HM13: variants seen among roughly 807,000 people sequenced by gnomAD.
HM13 encodes signal peptide peptidase.
Under a neutral mutation model 50.0 loss-of-function variants are expected in HM13, and 18 were observed. That is an observed-to-expected ratio of 0.36 (90% CI 0.25 to 0.53). The LOEUF (loss-of-function observed/expected upper bound fraction) is 0.53, where lower values mean the gene tolerates loss of function less well. HM13 is among the 20% of genes least tolerant of loss of function. The probability of loss-of-function intolerance (pLI) is 0.90; values close to 1 mark genes in which losing one functional copy is unlikely to be tolerated. For missense variants in HM13, 393 were observed against 552.4 expected (o/e 0.71, Z 2.89); for synonymous variants, 197 against 232.6 (o/e 0.85, Z 1.39).
chr20:31,547,612 G>C (rs1487815511), intron 4 of HM13: 4 of 1,575,972 alleles, frequency 2.5e-6, no homozygotes, highest in Non-Finnish European at 3.4e-6. Flanking sequence ...TCCAGGTATT[G>C]AACCATGGCT....
intron 1 of HM13, among the ~76,000 whole-genome samples, chr20:31,523,765 TG>T (rs999446488): frequency 1.1e-4 from 17 of 152,286 alleles, no homozygotes; most frequent in African/African-American, 4.1e-4. Context: ...AGCACACTGC[TG>T]GCAAAAGCAG....
intron 2 of HM13, among the ~76,000 whole-genome samples, chr20:31,534,445 A>G (rs899931273): frequency 8.5e-5 from 13 of 152,128 alleles, no homozygotes; most frequent in African/African-American, 3.1e-4. Flanking sequence ...AGCAAAGGGC[A>G]TGAGGGGATT....
chr20:31,548,885 T>A, intron 4 of HM13, 144 bp from the exon 5 acceptor site: 1 of 737,682 alleles, frequency 1.4e-6, no homozygotes, highest in South Asian at 1.5e-5. Context: ...AAACTCATAC[T>A]AATCTGGGGC....
chr20:31,566,164 C>A, intron 10 of HM13, 46 bp from the exon 11 acceptor site: 1 of 1,476,902 alleles, frequency 6.8e-7, no homozygotes, highest in Non-Finnish European at 9.5e-7. Context: ...GGCCCTGAGG[C>A]AGTGCCGTGC....
chr20:31,565,526 A>G (rs989059046), intron 10 of HM13, among the ~76,000 whole-genome samples: 15 of 150,864 alleles, frequency 9.9e-5, no homozygotes, highest in Non-Finnish European at 2.9e-5. Flanking sequence ...GTCCTGGGCT[A>G]TTTTCCCTCT....
rs6119511 is a variant in HM13 at position 31,561,679 on chromosome 20, C to T, written c.891C>T (p.Ala297=). ...CCTACTTCTACACCAGCTTTGCAGC[C>T]TACATCTTCGGCCTGGGCCTTACCA... is the stretch of plus-strand genomic sequence containing the variant. The part of the protein sequence containing the change: ...THTYFYTSFA[A]YIFGLGLTIF... Residue 297 remains alanine (A), a synonymous_variant, in exon 10 of 13, where the codon GCC becomes GCT. Coordinates refer to ENST00000398174, the MANE Select transcript of HM13 (RefSeq NM_178581.3). 1 of 1,614,066 alleles carries T rather than the reference C, an allele frequency of 6.2e-7. No individual in the cohort carries two copies. Among genetic ancestry groups the T allele is most frequent in the Non-Finnish European group, 8.5e-7 (1 of 1,179,878 alleles).
At chr20:31,547,548 C>A in intron 4 of HM13, 2 of 931,724 alleles carry the variant, frequency 2.1e-6, no homozygotes, top group Non-Finnish European at 3.4e-6. Flanking sequence ...CCAACTGCAT[C>A]CAGTTGAAAA....
At chr20:31,557,677 A>G (rs1984388496) in intron 8 of HM13, among the ~76,000 whole-genome samples, 1 of 130,796 alleles carries the variant, frequency 7.6e-6, no homozygotes, top group Non-Finnish European at 1.6e-5. Context: ...AATTAATCAT[A>G]TGTTGACAGT....
chr20:31,556,943 C>T (rs1275618734), intron 8 of HM13, among the ~76,000 whole-genome samples: 3 of 150,584 alleles, frequency 2.0e-5, no homozygotes, highest in Non-Finnish European at 4.4e-5. Flanking sequence ...GGCATGAACC[C>T]GGGAGGTGGA....
intron 1 of HM13, among the ~76,000 whole-genome samples, chr20:31,524,287 G>A (rs1406920): frequency 0.31 from 46,679 of 151,886 alleles, 11,788 homozygotes; most frequent in African/African-American, 0.7. Flanking sequence ...TTGAAGTGAG[G>A]CTAGAGATTG....
chr20:31,567,920 C>A, intron 11 of HM13, 158 bp from the exon 12 acceptor site: 2 of 656,568 alleles, frequency 3.0e-6, no homozygotes, highest in South Asian at 2.4e-5. Flanking sequence ...TTTCATTCTC[C>A]AAATAATATC....
chr20:31,532,429 A>G (rs904253033), intron 2 of HM13, among the ~76,000 whole-genome samples: 2 of 152,158 alleles, frequency 1.3e-5, no homozygotes, highest in African/African-American at 4.8e-5. Context: ...ATCTCAAAAC[A>G]AAACAAACAA....
Position 31,549,315 on chromosome 20 carries a change from A to G in HM13, c.649A>G (p.Ile217Val), listed in dbSNP as rs1983897352. The change falls in exon 6 of 13, where the codon ATC becomes GTC. Residue 217 changes from isoleucine to valine, a missense_variant. By Grantham distance (29) the Ile-to-Val change is conservative. Transcript: ENST00000398174. ...CTGCATCCTGCTGGGCGGACTCTTC[A>G]TCTACGATGTCTTCTGGGTGAGTCA... ...TGCILLGGLF[I>V]YDVFWVFGTN... The G allele has an allele frequency of 1.2e-6, 2 of 1,614,108 alleles. No individual in the cohort carries two copies. The highest frequency in any genetic ancestry group is 1.7e-5 in the Admixed American group (1 of 60,008).
chr20:31,554,554 C>T (rs922592501), intron 7 of HM13, 192 bp from the exon 8 acceptor site: 10 of 527,376 alleles, frequency 1.9e-5, no homozygotes, highest in African/African-American at 3.9e-5. Context: ...CGGTGGTGGG[C>T]GCCTGTAGTT....
At chr20:31,531,038 A>G (rs926362157) in intron 2 of HM13, among the ~76,000 whole-genome samples, 1 of 152,096 alleles carries the variant, frequency 6.6e-6, no homozygotes, top group Non-Finnish European at 1.5e-5. Flanking sequence ...CTGTGAGTGA[A>G]TTAAAAAGAT....
At chr20:31,564,854 A>G (rs1468805689) in intron 10 of HM13, among the ~76,000 whole-genome samples, 1 of 149,374 alleles carries the variant, frequency 6.7e-6, no homozygotes, top group Non-Finnish European at 1.5e-5. Flanking sequence ...AAAATCACAA[A>G]AAAAAAAAAA....
chr20:31,516,293 C>T (rs978136887), intron 1 of HM13, among the ~76,000 whole-genome samples: 4 of 152,168 alleles, frequency 2.6e-5, no homozygotes, highest in Non-Finnish European at 4.4e-5. Flanking sequence ...TCCCTGGCAC[C>T]TTCTGTACAT....
chr20:31,553,669 T>A (rs892503058), intron 7 of HM13, among the ~76,000 whole-genome samples: 3 of 151,846 alleles, frequency 2.0e-5, no homozygotes, highest in Non-Finnish European at 4.4e-5. Context: ...ATGGATGAAA[T>A]CCAGTTATAA....
At position 31,538,197 on chromosome 20, in the gene HM13, A is replaced by T. The variant is rs777110293; in HGVS notation, c.301A>T (p.Ile101Phe). The T allele has an allele frequency of 1.2e-6, 2 of 1,613,866 alleles. No individual in the cohort carries two copies. Among genetic ancestry groups the T allele is most frequent in the Admixed American group, 3.3e-5 (2 of 60,006 alleles). ...GCCTCAGATATTCTCCCAGGAGTAC[A>T]TCAACCTCCTGCTGTCCATGTATTT... ...LFFKIFSQEY[I>F]NLLLSMYFFV... The change falls in exon 3 of 13, where the codon ATC (isoleucine) becomes TTC (phenylalanine). Residue 101 changes from isoleucine (I) to phenylalanine (F), a missense_variant. By Grantham distance (21) the Ile-to-Phe change is conservative (BLOSUM62 0). Coordinates refer to ENST00000398174, the MANE Select transcript of HM13 (RefSeq NM_178581.3).
Sources: allele counts gnomAD v4.1 joint callset (sites outside exome capture counted in the v4.1 genomes callset), GRCh38; gene constraint gnomAD v4.1.1; transcripts MANE v1.5; gene names NCBI Gene and HGNC (gene_info 2026-07-23, HGNC 2026-07-21).